Variants in CNTNAP2 observed in about 807,000 individuals in gnomAD.
CNTNAP2 encodes the protein contactin-associated protein-like 2.
CNTNAP2 carries 98 observed loss-of-function variants against 155.2 expected under a neutral mutation model. That is an observed-to-expected ratio of 0.63 (90% CI 0.54 to 0.75). CNTNAP2 has a LOEUF of 0.75. CNTNAP2 is among the 30% of genes least tolerant of loss of function. The pLI, the probability that CNTNAP2 is intolerant of heterozygous loss-of-function variation, is 0.00. For synonymous variants in CNTNAP2, 651 were observed against 631.2 expected (o/e 1.03, Z -0.47); for missense variants, 1,727 against 1,688.1 (o/e 1.02, Z -0.40).
intron 15 of CNTNAP2, among the ~76,000 whole-genome samples, chr7:148,011,515 T>C (rs1042804396): frequency 1.3e-5 from 2 of 152,242 alleles, no homozygotes; most frequent in Admixed American, 1.3e-4. Flanking sequence ...AGGGTTTTTC[T>C]GGCACTTTTT....
intron 1 of CNTNAP2, among the ~76,000 whole-genome samples, chr7:146,312,770 G>A (rs1197900820): frequency 6.6e-6 from 1 of 152,014 alleles, no homozygotes; most frequent in East Asian, 1.9e-4. Flanking sequence ...TTCTGAAATA[G>A]ACCACTTTAG....
At chr7:147,761,411 T>C (rs925227940) in intron 13 of CNTNAP2, among the ~76,000 whole-genome samples, 1 of 152,214 alleles carries the variant, frequency 6.6e-6, no homozygotes. Context: ...ATTCAAGTTC[T>C]GTTTTGAATA....
chr7:146,407,739 A>G (rs571932595), intron 1 of CNTNAP2, among the ~76,000 whole-genome samples: 4 of 152,194 alleles, frequency 2.6e-5, no homozygotes, highest in Admixed American at 1.3e-4. Flanking sequence ...CAACCTGGCT[A>G]TGAACTGCAC....
chr7:146,483,517 G>A (rs1373521313), intron 1 of CNTNAP2, among the ~76,000 whole-genome samples: 1 of 150,118 alleles, frequency 6.7e-6, no homozygotes, highest in African/African-American at 2.4e-5. Flanking sequence ...GTGCGTGTGT[G>A]TGTGTGTAAT....
intron 9 of CNTNAP2, among the ~76,000 whole-genome samples, chr7:147,328,015 C>G (rs1795492595): frequency 6.6e-6 from 1 of 151,778 alleles, no homozygotes; most frequent in African/African-American, 2.4e-5. Context: ...TAAGCTGGCA[C>G]TTATACAAAC....
chr7:147,204,382 A>C (rs28620524), intron 8 of CNTNAP2, among the ~76,000 whole-genome samples: 6,436 of 152,176 alleles, frequency 0.042, 185 homozygotes, highest in African/African-American at 0.073. Flanking sequence ...GGGGAAGGTA[A>C]ATTTAGATTA....
At position 147,475,465 on chromosome 7, in the gene CNTNAP2, T is replaced by G. The variant is rs555484226; in HGVS notation, c.1671-10470T>G. On this transcript the variant is annotated intron_variant, in intron 10 of 23. Coordinates refer to ENST00000361727, the MANE Select transcript of CNTNAP2 (RefSeq NM_014141.6). ...CTATATGTTTAAAAGTTATGTGTTT[T>G]TTTTTCTGTGAACTGCCCTGTTCAA... 7.2e-5 allele frequency among the ~76,000 whole-genome samples: 11 copies of G among 152,290 alleles called. No homozygotes were observed. The South Asian group carries it at 2.1e-3, about 29-fold the overall frequency.
At position 146,622,153 on chromosome 7, in the gene CNTNAP2, A is replaced by ATATATATATATACACACACG. The variant is rs1563160344; in HGVS notation, c.98-152108_98-152107insTACACACACGTATATATATA. Among the ~76,000 whole-genome samples the ATATATATATATACACACACG allele has an allele frequency of 2.9e-4, 43 of 149,022 alleles. 1 individual carries two copies. Among genetic ancestry groups the ATATATATATATACACACACG allele is most frequent in the Middle Eastern group, 3.5e-3 (1 of 286 alleles). On this transcript the variant is annotated intron_variant, in intron 1 of 23. Transcript: ENST00000361727. ...TGTATATATATATATACACACACGT[A>ATATATATATATACACACACG]TATATATATACACACACGTATATAT...
At chr7:148,338,677 A>G (rs1265886914) in intron 21 of CNTNAP2, among the ~76,000 whole-genome samples, 1 of 152,148 alleles carries the variant, frequency 6.6e-6, no homozygotes, top group African/African-American at 2.4e-5. Flanking sequence ...TCCTATCACT[A>G]CTGTCTTCCC....
At chr7:146,644,593 C>G (rs1020630816) in intron 1 of CNTNAP2, among the ~76,000 whole-genome samples, 1 of 151,962 alleles carries the variant, frequency 6.6e-6, no homozygotes, top group Non-Finnish European at 1.5e-5. Flanking sequence ...CAATATTCAT[C>G]AAGGATATTG....
At chr7:147,050,152 CT>C (rs1443298882) in intron 4 of CNTNAP2, among the ~76,000 whole-genome samples, 1 of 152,138 alleles carries the variant, frequency 6.6e-6, no homozygotes, top group Non-Finnish European at 1.5e-5. Flanking sequence ...TGTCCCATGC[CT>C]TTTGATTCAG....
At chr7:146,646,159 T>A (rs1799807567) in intron 1 of CNTNAP2, among the ~76,000 whole-genome samples, 1 of 152,204 alleles carries the variant, frequency 6.6e-6, no homozygotes, top group Non-Finnish European at 1.5e-5. Context: ...AAAACATATC[T>A]GCTTAAAAGC....
chr7:147,578,285 C>T (rs2116821857), intron 12 of CNTNAP2, among the ~76,000 whole-genome samples: 1 of 152,182 alleles, frequency 6.6e-6, no homozygotes, highest in African/African-American at 2.4e-5. Context: ...GATAAAACAA[C>T]TGATATTTTC....
intron 11 of CNTNAP2, among the ~76,000 whole-genome samples, chr7:147,551,966 T>TA (rs1799861908): frequency 6.6e-6 from 1 of 152,156 alleles, no homozygotes; most frequent in Non-Finnish European, 1.5e-5. Context: ...ACTATTAACT[T>TA]AGAGTGCTTG....
chr7:146,384,406 T>G (rs1454790797), intron 1 of CNTNAP2, among the ~76,000 whole-genome samples: 1 of 152,164 alleles, frequency 6.6e-6, no homozygotes, highest in Non-Finnish European at 1.5e-5. Flanking sequence ...CATAAAACCA[T>G]GCTGAAGGAG....
In CNTNAP2 at chr7:147,017,992, A is replaced by T. The variant is rs193069231; in HGVS notation, c.403-25915A>T. Among the ~76,000 whole-genome samples the T allele has an allele frequency of 5.1e-4, 78 of 152,124 alleles. 1 individual carries two copies. Among genetic ancestry groups the T allele is most frequent in the Admixed American group, 2.4e-3 (37 of 15,258 alleles). ...CTCTATCAGAAAAAAAATCTTTTGT[A>T]ATTTATTAGTCTTCTGTAAGCTGAC... On this transcript the variant is annotated intron_variant, in intron 3 of 23. Transcript: ENST00000361727.
At chr7:147,136,481 T>C (rs1801481307) in intron 8 of CNTNAP2, among the ~76,000 whole-genome samples, 1 of 151,988 alleles carries the variant, frequency 6.6e-6, no homozygotes, top group Non-Finnish European at 1.5e-5. Flanking sequence ...CTTTGCTTCT[T>C]AGTAAAATTT....
At chr7:147,205,801 G>A (rs988949087) in intron 8 of CNTNAP2, among the ~76,000 whole-genome samples, 2 of 152,084 alleles carry the variant, frequency 1.3e-5, no homozygotes, top group Non-Finnish European at 2.9e-5. Context: ...CATACAGTTA[G>A]AAGGAATAAA....
At chr7:147,857,509 G>A (rs886833577) in intron 13 of CNTNAP2, among the ~76,000 whole-genome samples, 2 of 152,132 alleles carry the variant, frequency 1.3e-5, no homozygotes, top group African/African-American at 4.8e-5. Context: ...GCACTAATCA[G>A]GTTCATCATC....
Sources: allele counts gnomAD v4.1 joint callset (sites outside exome capture counted in the v4.1 genomes callset), GRCh38; gene constraint gnomAD v4.1.1; transcripts MANE v1.5; gene names NCBI Gene and HGNC (gene_info 2026-07-23, HGNC 2026-07-21).